Variants in FHOD3 observed in about 807,000 individuals in gnomAD.
The protein encoded by FHOD3 is formin homology 2 domain containing 3.
A neutral mutation model predicts 173.0 loss-of-function variants in FHOD3; 90 were observed. That is an observed-to-expected ratio of 0.52 (90% confidence interval 0.44 to 0.62). The LOEUF (loss-of-function observed/expected upper bound fraction) is 0.62, where lower values mean the gene tolerates loss of function less well. Ranked by LOEUF, FHOD3 falls within the 20% of genes least tolerant of loss-of-function variation. The pLI is 0.00. For synonymous variants in FHOD3, 828 were observed against 823.0 expected, an observed-to-expected ratio of 1.01 and a Z score of -0.10; for missense variants, 1,945 against 2,034.7, an observed-to-expected ratio of 0.96 and a Z score of 0.85.
chr18:36,743,623 C>T (rs2042015324), intron 22 of FHOD3, among the ~76,000 whole-genome samples: 1 of 152,138 alleles, frequency 6.6e-6, no homozygotes. Context: ...TAGTTTGCTG[C>T]CCCTATCAAC....
intron 18 of FHOD3, among the ~76,000 whole-genome samples, chr18:36,716,352 G>GACATCCA (rs1568658856): frequency 1.3e-5 from 2 of 152,198 alleles, no homozygotes; most frequent in African/African-American, 4.8e-5. Context: ...CAGCAACACT[G>GACATCCA]GATGTGGAGG....
intron 1 of FHOD3, among the ~76,000 whole-genome samples, chr18:36,330,838 A>ATGAGTGAG (rs34029107): frequency 0.047 from 7,045 of 151,182 alleles, 532 homozygotes; most frequent in African/African-American, 0.15. Context: ...TCTTTTTCTG[A>ATGAGTGAG]TGAGTGAGTG....
At chr18:36,385,744 T>C (rs2048002376) in intron 3 of FHOD3, among the ~76,000 whole-genome samples, 1 of 152,204 alleles carries the variant, frequency 6.6e-6, no homozygotes. Flanking sequence ...GTTGCAGTTT[T>C]GGCAAGCACT....
At chr18:36,556,650 TAAAA>T (rs745891533) in intron 5 of FHOD3, among the ~76,000 whole-genome samples, 2 of 152,222 alleles carry the variant, frequency 1.3e-5, no homozygotes, top group African/African-American at 4.8e-5. Context: ...TTGCAAGTGT[TAAAA>T]ACCCCACAGA....
chr18:36,364,225 A>G (rs1320620105), intron 2 of FHOD3, among the ~76,000 whole-genome samples: 1 of 151,482 alleles, frequency 6.6e-6, no homozygotes, highest in Admixed American at 6.5e-5. Context: ...AAATAAAATA[A>G]AAGTTTTTTT....
At chr18:36,358,121 A>G (rs1195604744) in intron 2 of FHOD3, among the ~76,000 whole-genome samples, 1 of 152,218 alleles carries the variant, frequency 6.6e-6, no homozygotes, top group East Asian at 1.9e-4. Flanking sequence ...GTTAAATTAC[A>G]TGTCTGGGGT....
intron 14 of FHOD3, among the ~76,000 whole-genome samples, chr18:36,674,599 G>T (rs1218255660): frequency 1.3e-5 from 2 of 152,070 alleles, no homozygotes; most frequent in Non-Finnish European, 2.9e-5. Context: ...TCCCTTTGTG[G>T]TTCTTCTTGC....
At chr18:36,688,670 T>TC (rs2038778951) in intron 16 of FHOD3, among the ~76,000 whole-genome samples, 1 of 152,168 alleles carries the variant, frequency 6.6e-6, no homozygotes, top group South Asian at 2.1e-4. Flanking sequence ...ATTTTAGTTC[T>TC]CCCCCCAGAT....
intron 17 of FHOD3, among the ~76,000 whole-genome samples, 170 bp downstream of exon 17, chr18:36,693,593 G>A (rs2039090074): frequency 6.6e-6 from 1 of 152,172 alleles, no homozygotes; most frequent in Admixed American, 6.5e-5. Context: ...TAACAAACTA[G>A]ACGTCTTCAG....
chr18:36,644,546 G>A (rs1260070493), intron 10 of FHOD3, among the ~76,000 whole-genome samples: 2 of 152,138 alleles, frequency 1.3e-5, no homozygotes, highest in African/African-American at 4.8e-5. Flanking sequence ...TCTGCCCTTG[G>A]TTCTGCCCTG....
At chr18:36,371,551 C>T (rs1341384208) in intron 2 of FHOD3, among the ~76,000 whole-genome samples, 1 of 152,154 alleles carries the variant, frequency 6.6e-6, no homozygotes, top group Admixed American at 6.6e-5. Flanking sequence ...ATGGGAGCTA[C>T]AATTCAAGAT....
chr18:36,685,182 C>T (rs1236362344), intron 15 of FHOD3, among the ~76,000 whole-genome samples: 1 of 152,166 alleles, frequency 6.6e-6, no homozygotes, highest in Admixed American at 6.5e-5. Flanking sequence ...GAAAGGTTGT[C>T]ATCAGAGGCC....
intron 1 of FHOD3, among the ~76,000 whole-genome samples, chr18:36,301,565 G>T (rs1024943507): frequency 6.6e-6 from 1 of 152,082 alleles, no homozygotes; most frequent in African/African-American, 2.4e-5. Flanking sequence ...TTCTAGGTTG[G>T]GCTAAGCAAG....
chr18:36,479,609 A>G (rs2053772373), intron 3 of FHOD3, among the ~76,000 whole-genome samples: 1 of 152,262 alleles, frequency 6.6e-6, no homozygotes, highest in South Asian at 2.1e-4. Flanking sequence ...ATATATATAT[A>G]TATATTCCAA....
chr18:36,770,508 G>T (rs1217335110), intron 28 of FHOD3, among the ~76,000 whole-genome samples: 2 of 152,170 alleles, frequency 1.3e-5, no homozygotes, highest in African/African-American at 4.8e-5. Flanking sequence ...CCTTTCCTAT[G>T]ATCTGCTTTC....
chr18:36,526,529 G>T (rs189470641), intron 5 of FHOD3, among the ~76,000 whole-genome samples: 30 of 151,960 alleles, frequency 2.0e-4, no homozygotes, highest in Admixed American at 1.6e-3. Flanking sequence ...GCGTTCCAGC[G>T]ATTCTCCTGC....
chr18:36,336,844 G>A (rs1428156114), intron 1 of FHOD3, among the ~76,000 whole-genome samples: 67 of 49,824 alleles, frequency 1.3e-3, no homozygotes, highest in African/African-American at 5.5e-3. Flanking sequence ...GTGAAACTCC[G>A]TCTCAAAAAA....
intron 5 of FHOD3, among the ~76,000 whole-genome samples, chr18:36,523,715 G>A (rs1457205071): frequency 6.6e-6 from 1 of 152,168 alleles, no homozygotes; most frequent in Non-Finnish European, 1.5e-5. Context: ...GGGCTGCTAG[G>A]CTTGGGGTCA....
At chr18:36,613,023 C>G (rs538607471) in intron 9 of FHOD3, among the ~76,000 whole-genome samples, 1 of 152,258 alleles carries the variant, frequency 6.6e-6, no homozygotes, top group African/African-American at 2.4e-5. Flanking sequence ...GGGAAGGTAA[C>G]AGGGTAAGAA....
Sources: gnomAD v4.1 joint callset for allele counts (sites outside exome capture counted in the v4.1 genomes callset) on GRCh38, gnomAD v4.1.1 for gene constraint, MANE v1.5 for transcripts, NCBI Gene and HGNC (gene_info 2026-07-23, HGNC 2026-07-21) for gene names.